Variants in NFYA observed in about 807,000 individuals in gnomAD.
NFYA encodes the protein CAAT-box DNA binding protein subunit A.
In NFYA, 28 loss-of-function variants were observed where a neutral mutation model predicts 52.8. The observed-to-expected ratio is 0.53, with a 90% confidence interval of 0.39 to 0.73. The LOEUF is 0.73. Ranked by LOEUF, NFYA falls within the 30% of genes least tolerant of loss-of-function variation. NFYA has a pLI of 0.00. For missense variants in NFYA, 234 were observed against 427.0 expected (o/e 0.55, Z 3.98); for synonymous variants, 150 against 150.7 (o/e 1.00, Z 0.03).
At chr6:41,093,341 A>T (rs1418837833) in intron 8 of NFYA, among the ~76,000 whole-genome samples, 2 of 152,174 alleles carry the variant, frequency 1.3e-5, no homozygotes, top group Non-Finnish European at 2.9e-5. Context: ...ATTATCCTGG[A>T]CTGGTAGCAC....
intron 8 of NFYA, among the ~76,000 whole-genome samples, chr6:41,093,637 ATTTTTGTGT>A: frequency 6.6e-6 from 1 of 152,032 alleles, no homozygotes; most frequent in East Asian, 1.9e-4. Flanking sequence ...CGCCCAGCTT[ATTTTTGTGT>A]TTTTAGTAGA....
chr6:41,090,611 A>G (rs1410134657), intron 6 of NFYA, among the ~76,000 whole-genome samples: 1 of 152,196 alleles, frequency 6.6e-6, no homozygotes, highest in Admixed American at 6.5e-5. Flanking sequence ...AAAGAGAGAA[A>G]TAGATCAAAA....
intron 1 of NFYA, among the ~76,000 whole-genome samples, chr6:41,077,813 G>C (rs891838546): frequency 1.3e-5 from 2 of 152,228 alleles, no homozygotes; most frequent in African/African-American, 4.8e-5. Flanking sequence ...ATCAAGGGCA[G>C]TGCTTTGGAG....
intron 4 of NFYA, among the ~76,000 whole-genome samples, chr6:41,085,968 A>G (rs1049911896): frequency 6.6e-6 from 1 of 152,134 alleles, no homozygotes; most frequent in Non-Finnish European, 1.5e-5. Flanking sequence ...CCACTGGCAT[A>G]TTTTTGCCAA....
rs1384134806 is a variant in NFYA at position 41,100,380 on chromosome 6, C to G, written c.*2970C>G. Among the ~76,000 whole-genome samples the G allele has an allele frequency of 1.3e-5, 2 of 152,148 alleles. No individual in the cohort carries two copies. Among genetic ancestry groups the G allele is most frequent in the African/African-American group, 2.4e-5 (1 of 41,420 alleles). On this transcript the variant is annotated 3_prime_UTR_variant, in exon 10 of 10. Transcript: ENST00000341376. ...AGAAGACCAAAACAAAAGTACTTTT[C>G]TGATTGTTAAAAATCCACAGCATGC...
In NFYA at chr6:41,102,305, A is replaced by G. The variant is rs2113834995; in HGVS notation, c.*4895A>G. 6.6e-6 allele frequency among the ~76,000 whole-genome samples: 1 copy of G among 152,260 alleles called. No homozygotes were observed. The highest frequency in any genetic ancestry group is 2.1e-4 in the South Asian group (1 of 4,820). On this transcript the variant is annotated 3_prime_UTR_variant, in exon 10 of 10. Transcript: ENST00000341376. Reference sequence around the variant, plus strand: ...TATCTGCTAATCTACCCAGTCTCACATTCTATTGACTCATTGTTCAAAGGG... The same window carrying G: ...TATCTGCTAATCTACCCAGTCTCACGTTCTATTGACTCATTGTTCAAAGGG...
rs1179274466 is a variant in NFYA, at chr6:41,101,151, G to T, written c.*3741G>T. The T allele has an allele frequency of 6.6e-6, 1 of 152,264 alleles. No individual in the cohort carries two copies. The highest frequency in any genetic ancestry group is 2.4e-5 in the African/African-American group (1 of 41,470). The allele number at this position is 152,264 out of a possible 1,614,324, so 9.4% of individuals were successfully genotyped here. A position where few individuals can be genotyped will look rare whatever the true frequency, so the allele number is the denominator to read the frequency against. ...GGAACCCGAGCTCGCCACGGCCCAG[G>T]GCGTCCTCCTAGGCGTCCATGTGAC... On this transcript the variant is annotated 3_prime_UTR_variant, in exon 10 of 10. Transcript: ENST00000341376.
chr6:41,083,751 T>C (rs1763970472), intron 3 of NFYA, among the ~76,000 whole-genome samples: 1 of 152,242 alleles, frequency 6.6e-6, no homozygotes, highest in African/African-American at 2.4e-5. Context: ...TATGATTAAA[T>C]GTTTGTCATG....
chr6:41,091,920 G>A (rs2113816441), intron 7 of NFYA, among the ~76,000 whole-genome samples: 1 of 152,256 alleles, frequency 6.6e-6, no homozygotes, highest in South Asian at 2.1e-4. Flanking sequence ...TGGAGATAAA[G>A]CAATGGATAA....
chr6:41,079,287 C>T (rs1266235726), intron 2 of NFYA, 123 bp downstream of exon 2: 4 of 875,378 alleles, frequency 4.6e-6, no homozygotes, highest in African/African-American at 1.6e-5. Context: ...GATATTGGGT[C>T]TGATGGCTTG....
intron 2 of NFYA, 82 bp from the exon 3 acceptor site, chr6:41,080,729 T>TC (rs1763882417): frequency 8.6e-7 from 1 of 1,168,650 alleles, no homozygotes; most frequent in South Asian, 1.3e-5. Context: ...GTCTCTCTCC[T>TC]CCAAGAGGTA....
rs1764485781 is a variant in NFYA at position 41,101,007 on chromosome 6, C to G, written c.*3597C>G. The G allele has an allele frequency of 6.6e-6, 1 of 152,310 alleles. No individual in the cohort carries two copies. The highest frequency in any genetic ancestry group is 1.5e-5 in the Non-Finnish European group (1 of 68,098). The allele number at this position is 152,310 out of a possible 1,614,324, so 9.4% of individuals were successfully genotyped here. A position where few individuals can be genotyped will look rare whatever the true frequency, so the allele number is the denominator to read the frequency against. On this transcript the variant is annotated 3_prime_UTR_variant, in exon 10 of 10. Transcript: ENST00000341376. ...ACGCGGCTGGGCCCTGTTTCCGGTA[C>G]CTAGGCGGGCAGCCATGGTGACCGG...
Position 41,074,142 on chromosome 6 carries a change from A to G in NFYA, c.-62+1058A>G, listed in dbSNP as rs138345240. Among the ~76,000 whole-genome samples, 45 of 151,838 alleles carry G rather than the reference A, an allele frequency of 3.0e-4. 1 individual carries two copies. Among genetic ancestry groups the G allele is most frequent in the African/African-American group, 9.7e-4 (40 of 41,398 alleles). ...CCTTTGTTTTTGCCTTCGCCTTTCT[A>G]TGTTACTTTGTGTCAGGCTTGACCC... On this transcript the variant is annotated intron_variant, in intron 1 of 9. Coordinates refer to ENST00000341376, the MANE Select transcript of NFYA (RefSeq NM_002505.5).
chr6:41,084,828 G>A (rs370125613), intron 4 of NFYA, among the ~76,000 whole-genome samples: 55 of 152,310 alleles, frequency 3.6e-4, no homozygotes, highest in Middle Eastern at 6.8e-3. Context: ...CGGGCGTGGT[G>A]GCACGCACCT....
chr6:41,092,473 C>G (rs12211177), intron 7 of NFYA, among the ~76,000 whole-genome samples: 33,671 of 152,108 alleles, frequency 0.22, 5,401 homozygotes, highest in African/African-American at 0.45. Flanking sequence ...TTGTTTTTAC[C>G]TACATTTAGT....
intron 8 of NFYA, among the ~76,000 whole-genome samples, chr6:41,093,596 G>A (rs1261979476): frequency 6.6e-6 from 1 of 151,926 alleles, no homozygotes; most frequent in East Asian, 1.9e-4. Flanking sequence ...TCAGCCTCCT[G>A]AGTAGCTGGG....
chr6:41,079,241 C>T, intron 2 of NFYA, 77 bp downstream of exon 2: 1 of 1,348,774 alleles, frequency 7.4e-7, no homozygotes, highest in South Asian at 1.2e-5. Flanking sequence ...GGTCTATTGC[C>T]CTGGGGAATT....
Position 41,097,558 on chromosome 6 carries a change from T to TA in NFYA, c.*149dup. 2.6e-6 allele frequency: 2 copies of TA among 758,154 alleles called. No individual in the cohort carries two copies. Among genetic ancestry groups the TA allele is most frequent in the Non-Finnish European group, 4.3e-6 (2 of 465,682 alleles). 47.0% of individuals were successfully genotyped at this position (758,154 alleles called of 1,614,324 possible). On this transcript the variant is annotated 3_prime_UTR_variant, in exon 10 of 10. Transcript: ENST00000341376. ...TAGTTTTTAATAAGTGGCTCAGTAT[T>TA]ACAATTGCAGCGATGCCTGGCAAAT...
intron 2 of NFYA, among the ~76,000 whole-genome samples, chr6:41,079,537 A>G (rs1183514006): frequency 6.6e-6 from 1 of 152,202 alleles, no homozygotes; most frequent in African/African-American, 2.4e-5. Context: ...AGCTTCCAAT[A>G]AATCTTCTGT....
Sources: allele counts gnomAD v4.1 joint callset (sites outside exome capture counted in the v4.1 genomes callset), GRCh38; gene constraint gnomAD v4.1.1; transcripts MANE v1.5; gene names NCBI Gene and HGNC (gene_info 2026-07-23, HGNC 2026-07-21).